Variants in CCDC88B observed in about 807,000 individuals in gnomAD.
CCDC88B encodes the protein coiled-coil domain-containing protein 88B.
Under a neutral mutation model 183.7 loss-of-function variants are expected in CCDC88B, and 138 were observed. The observed-to-expected ratio is 0.75, with a 90% CI of 0.65 to 0.87. CCDC88B has a LOEUF of 0.87. Among genes scored for constraint, CCDC88B ranks in the 40% least tolerant of loss-of-function variants. CCDC88B has a pLI of 0.00. For missense variants in CCDC88B, 1,822 were observed against 1,965.6 expected, an observed-to-expected ratio of 0.93 and a Z score of 1.38; for synonymous variants, 835 against 867.5, an observed-to-expected ratio of 0.96 and a Z score of 0.66.
Position 64,342,600 on chromosome 11 carries a change from C to A in CCDC88B, c.982C>A (p.Arg328Ser), listed in dbSNP as rs1226702729. ...AGAGGCGCTGCGGGAGCGGGCCGGC[C>A]GCCTGCCCCGCCTGCAGGAGGAGCT... ...EAEALRERAG[R>S]LPRLQEELRR... Residue 328 changes from arginine to serine, a missense_variant, in exon 10 of 27, where the codon CGC (arginine) becomes AGC (serine). Coordinates refer to ENST00000356786, the MANE Select transcript of CCDC88B (RefSeq NM_032251.6). 48 of 1,530,176 alleles carry A rather than the reference C, an allele frequency of 3.1e-5. No individual in the cohort carries two copies. The highest frequency in any genetic ancestry group is 2.3e-4 in the Middle Eastern group (1 of 4,422). The allele number at this position is 1,530,176 out of a possible 1,614,324, so 94.8% of individuals were successfully genotyped here.
intron 18 of CCDC88B, 78 bp from the exon 19 acceptor site, chr11:64,352,052 C>G: frequency 6.6e-7 from 1 of 1,508,794 alleles, no homozygotes; most frequent in Non-Finnish European, 8.9e-7. Flanking sequence ...TACCGTCTGC[C>G]CTTAGCCCCC....
chr11:64,349,121 A>G (rs1214250214), intron 14 of CCDC88B: 1 of 728,266 alleles, frequency 1.4e-6, no homozygotes, highest in Non-Finnish European at 2.5e-6. Context: ...ATGCCCTGCC[A>G]GGCTTACAAC....
chr11:64,349,364 T>C lies in CCDC88B; in HGVS notation c.2650T>C (p.Leu884=), dbSNP rs748014321. The C allele has an allele frequency of 1.1e-5, 17 of 1,612,196 alleles. No individual in the cohort carries two copies. Among genetic ancestry groups the C allele is most frequent in the African/African-American group, 1.3e-5 (1 of 74,792 alleles). ...GAAAGCTGTGGTGCGGGGCAAGGAG[T>C]TGGGGGACCGGCTGGAGCATTTGCA... ...LEKAVVRGKE[L]GDRLEHLQRE... Residue 884 remains leucine, a synonymous_variant, in exon 15 of 27, where the codon TTG becomes CTG. Coordinates refer to ENST00000356786, the MANE Select transcript of CCDC88B (RefSeq NM_032251.6).
chr11:64,343,156 G>C (rs1378466269), intron 10 of CCDC88B, 23 bp from the exon 11 acceptor site: 1 of 1,513,420 alleles, frequency 6.6e-7, no homozygotes, highest in Non-Finnish European at 8.9e-7. Context: ...CGTGGCTACC[G>C]GTTCTCCCTG....
In CCDC88B at chr11:64,344,877, C is replaced by T. The variant is rs1338681075; in HGVS notation, c.2336C>T (p.Ala779Val). Residue 779 changes from alanine to valine, a missense_variant, in exon 14 of 27, where the codon GCC becomes GTC. Coordinates refer to ENST00000356786, the MANE Select transcript of CCDC88B (RefSeq NM_032251.6). This position sits in a 1 kb window ranked among gnomAD's most constrained non-coding sequence, Gnocchi z 4.5. ...CAAGCGCGAAGGGCAGAGGCCGAGG[C>T]CCACCGGGAGGCAGAGGCCCAGGCC... Reference protein sequence around the residue: ...LAQARRAEAEAHREAEAQAWE... With the variant: ...LAQARRAEAEVHREAEAQAWE... 2 of 1,601,876 alleles carry T rather than the reference C, an allele frequency of 1.2e-6. No homozygotes were observed. Among genetic ancestry groups the T allele is most frequent in the South Asian group, 2.2e-5 (2 of 89,856 alleles).
In CCDC88B at chr11:64,357,247, C is replaced by T. The variant is rs1313720787; in HGVS notation, c.*153C>T. The T allele has an allele frequency of 1.1e-6, 1 of 912,306 alleles. No homozygotes were observed. The highest frequency in any genetic ancestry group is 1.9e-5 in the Admixed American group (1 of 51,336). The allele number at this position is 912,306 out of a possible 1,614,324, so 56.5% of individuals were successfully genotyped here. A position where few individuals can be genotyped will look rare whatever the true frequency, so the allele number is the denominator to read the frequency against. On this transcript the variant is annotated 3_prime_UTR_variant, in exon 27 of 27. Coordinates refer to ENST00000356786, the MANE Select transcript of CCDC88B (RefSeq NM_032251.6). ...GCCCTGAGATCCTCCACGGTCAGCG[C>T]CGGGGCCCGGAGATGGAGCTGGGAC... is the stretch of plus-strand genomic sequence containing the variant.
chr11:64,357,307 G>A lies in CCDC88B; in HGVS notation c.*213G>A, dbSNP rs781582491. ...GACAGGGGGGATGGCTGGCCCCCAC[G>A]AGCAGCTCCAGGCTGGAGTTCTGGT... On this transcript the variant is annotated 3_prime_UTR_variant, in exon 27 of 27. Transcript: ENST00000356786. 27 of 727,688 alleles carry A rather than the reference G, an allele frequency of 3.7e-5. No homozygotes were observed. The highest frequency in any genetic ancestry group is 2.3e-4 in the Middle Eastern group (1 of 4,410). 45.1% of individuals were successfully genotyped at this position (727,688 alleles called of 1,614,324 possible).
At chr11:64,353,020 G>A (rs1194172257) in intron 20 of CCDC88B, 34 bp from the exon 21 acceptor site, 1 of 1,549,124 alleles carries the variant, frequency 6.5e-7, no homozygotes, top group Non-Finnish European at 8.7e-7. Flanking sequence ...GGGGACCCAG[G>A]TCCCTTGGAG....
At chr11:64,354,248 C>G (rs1356536935) in intron 24 of CCDC88B, 78 bp downstream of exon 24, 1 of 1,226,176 alleles carries the variant, frequency 8.2e-7, no homozygotes, top group Non-Finnish European at 1.0e-6. Context: ...TGCCTCACTG[C>G]CTGGCCTGCA....
rs1426255834 is a variant in CCDC88B, at chr11:64,343,753, T to C, written c.1319-25T>C. On this transcript the variant is annotated intron_variant, in intron 12 of 26. Coordinates refer to ENST00000356786, the MANE Select transcript of CCDC88B (RefSeq NM_032251.6). ...GAGGAGCCAGGCAGTAAAGGAGGGG[T>C]CCTGACCTCATCTCTCATCCTCAGC... 1.9e-6 allele frequency: 3 copies of C among 1,545,150 alleles called. No homozygotes were observed. In the South Asian group the frequency reaches 3.6e-5, roughly 19 times the overall value.
chr11:64,341,958 A>G lies in CCDC88B; in HGVS notation c.676-36A>G, dbSNP rs745889074. The G allele has an allele frequency of 5.6e-6, 9 of 1,604,952 alleles. No individual in the cohort carries two copies. In the Admixed American group the frequency reaches 1.2e-4, roughly 21 times the overall value. On this transcript the variant is annotated intron_variant, in intron 7 of 26. Transcript: ENST00000356786. ...GGGGGTCGATGTGCAGAGGCATTGG[A>G]TAAGTTAGTCCTGACCCTTGACCCC... is the stretch of plus-strand genomic sequence containing the variant.
In CCDC88B at chr11:64,342,304, G is replaced by A; in HGVS notation, c.832G>A (p.Ala278Thr). Residue 278 changes from alanine (A) to threonine (T), a missense_variant, in exon 9 of 27, where the codon GCC becomes ACC. Physicochemically the swap from Ala to Thr is moderately conservative, Grantham distance 58. Transcript: ENST00000356786. The stretch of plus-strand genomic sequence containing the variant: ...TCCCCTTCCCTCCAGGGAGGAGAAG[G>A]CCGAGCTGCTGCTAGACTCCCAGGC... Reference protein sequence around the residue: ...RRLRQELEEKAELLLDSQAEV... With the variant: ...RRLRQELEEKTELLLDSQAEV... 1.3e-6 allele frequency: 2 copies of A among 1,590,374 alleles called. No homozygotes were observed. The highest frequency in any genetic ancestry group is 1.1e-5 in the South Asian group (1 of 87,468).
Position 64,342,431 on chromosome 11 carries a change from C to G in CCDC88B, c.903+56C>G, listed in dbSNP as rs554193501. ...ATTCCCTAACCTCCCCGCACCCGGT[C>G]CCATTGCCTCCCTCCCAACCCGGCT... On this transcript the variant is annotated intron_variant, in intron 9 of 26. Coordinates refer to ENST00000356786, the MANE Select transcript of CCDC88B (RefSeq NM_032251.6). 1.6e-5 allele frequency: 24 copies of G among 1,546,984 alleles called. No individual in the cohort carries two copies. The South Asian group carries it at 2.6e-4, about 17-fold the overall frequency.
chr11:64,341,168 C>A lies in CCDC88B; in HGVS notation c.378C>A (p.Asp126Glu), dbSNP rs571353389. 1.2e-6 allele frequency: 2 copies of A among 1,614,104 alleles called. No individual in the cohort carries two copies. Among genetic ancestry groups the A allele is most frequent in the African/African-American group, 2.7e-5 (2 of 75,000 alleles). ...CAGACCTCCAGACATTGGGATTTGA[C>A]CCTCTCTCAGGTGCTCTCCCCACCC... The part of the protein sequence containing the change: ...PPPDLQTLGF[D>E]PLSEEAVEQL... The change falls in exon 4 of 27, where the codon GAC becomes GAA. Residue 126 changes from aspartate (D) to glutamate (E), a missense_variant. Asp to Glu is a conservative substitution (Grantham distance 45, BLOSUM62 2). Transcript: ENST00000356786.
chr11:64,340,893 C>A lies in CCDC88B; in HGVS notation c.207-14C>A. Reference sequence around the variant, plus strand: ...GACGGGAGGCGGGTCCTCGAGCCCACCTCCGGCTCATAGTGCCCCCAGCTC... The same window carrying A: ...GACGGGAGGCGGGTCCTCGAGCCCAACTCCGGCTCATAGTGCCCCCAGCTC... On this transcript the variant is annotated splice_polypyrimidine_tract_variant and intron_variant, in intron 2 of 26. Coordinates refer to ENST00000356786, the MANE Select transcript of CCDC88B (RefSeq NM_032251.6). The A allele has an allele frequency of 6.5e-7, 1 of 1,541,914 alleles. No homozygotes were observed.
In CCDC88B at chr11:64,344,052, C is replaced by T. The variant is rs1222899415; in HGVS notation, c.1511C>T (p.Ala504Val). The part of the protein sequence containing the change: ...EDPVLPVLEE[A>V]PQTPVAFDHS... ...CCTGTTCTTCCAGTGCTGGAGGAGG[C>T]TCCCCAGACTCCTGTGGCCTTCGAC... The change falls in exon 14 of 27, where the codon GCT (alanine) becomes GTT (valine). Residue 504 changes from alanine (A) to valine (V), a missense_variant. Coordinates refer to ENST00000356786, the MANE Select transcript of CCDC88B (RefSeq NM_032251.6). This position sits in a 1 kb window ranked among gnomAD's most constrained non-coding sequence, Gnocchi z 4.5. 1.9e-6 allele frequency: 3 copies of T among 1,583,672 alleles called. No individual in the cohort carries two copies. Among genetic ancestry groups the T allele is most frequent in the Non-Finnish European group, 2.6e-6 (3 of 1,164,088 alleles).
chr11:64,355,864 A>G (rs2036531592), intron 26 of CCDC88B: 2 of 415,524 alleles, frequency 4.8e-6, no homozygotes, highest in Admixed American at 4.4e-5. Context: ...TGTGAACCAC[A>G]TGATAATTTT....
chr11:64,356,366 A>G (rs615540), intron 26 of CCDC88B: 60,162 of 151,538 alleles, frequency 0.4, 12,325 homozygotes, highest in South Asian at 0.45. Flanking sequence ...TGAGGCCAGA[A>G]GTTAGAGACC....
At chr11:64,343,103 GA>G in intron 10 of CCDC88B, 75 bp from the exon 11 acceptor site, 1 of 1,441,396 alleles carries the variant, frequency 6.9e-7, no homozygotes, top group Non-Finnish European at 9.2e-7. Flanking sequence ...AGGCTGAGGG[GA>G]AGGAGTTTGG....
Sources: gnomAD v4.1 joint callset for allele counts on GRCh38, gnomAD v4.1.1 for gene constraint, Gnocchi (gnomAD v3.1) non-coding constraint, MANE v1.5 for transcripts, NCBI Gene and HGNC (gene_info 2026-07-23, HGNC 2026-07-21) for gene names.